The following PPARGC1A variants were observed in gnomAD, a reference collection of about 807,000 sequenced individuals.
PPARGC1A encodes PPARG coactivator 1 alpha.
PPARGC1A carries 25 observed loss-of-function variants against 88.7 expected under a neutral mutation model. That is an observed-to-expected ratio of 0.28 (90% CI 0.21 to 0.39). The LOEUF is 0.39. Ranked by LOEUF, PPARGC1A falls within the 10% of genes least tolerant of loss-of-function variation. The probability of loss-of-function intolerance (pLI) is 1.00; values close to 1 mark genes in which losing one functional copy is unlikely to be tolerated. For synonymous variants in PPARGC1A, 363 were observed against 355.6 expected (o/e 1.02, Z -0.24); for missense variants, 880 against 968.7 (o/e 0.91, Z 1.22).
the PPARGC1A span, among the ~76,000 whole-genome samples, chr4:24,200,384 A>C: frequency 6.6e-6 from 1 of 151,960 alleles, no homozygotes; most frequent in East Asian, 1.9e-4. Flanking sequence ...GGTGGTGGAC[A>C]CCGGTAATCC....
Position 23,801,893 on chromosome 4 carries a change from AAAG to A in PPARGC1A, c.2142-15_2142-13del, listed in dbSNP as rs549257179. ...AACCATAGCTGTCTCTGCAACGGACAAAGAAAAGTTCAAAGCTGGTTAAGAAGT... is the reference window on the plus strand; with the variant it reads ...AACCATAGCTGTCTCTGCAACGGACAAAAAGTTCAAAGCTGGTTAAGAAGT... On this transcript the variant is annotated splice_polypyrimidine_tract_variant and intron_variant, in intron 11 of 12. Transcript: ENST00000264867. 2.3e-3 allele frequency: 3,676 copies of A among 1,613,784 alleles called. 5 individuals carry two copies. Among genetic ancestry groups the A allele is most frequent in the Admixed American group, 2.8e-3 (167 of 60,016 alleles).
At chr4:24,035,244 T>A in the PPARGC1A span, among the ~76,000 whole-genome samples, 4 of 152,104 alleles carry the variant, frequency 2.6e-5, no homozygotes, top group Admixed American at 6.5e-5. Flanking sequence ...ACAATTGTTT[T>A]AAAAAAAACT....
the PPARGC1A span, among the ~76,000 whole-genome samples, chr4:24,207,882 G>C: frequency 6.6e-6 from 1 of 152,206 alleles, no homozygotes; most frequent in Non-Finnish European, 1.5e-5. Flanking sequence ...AGTCATCACA[G>C]TCAAATCTAA....
the PPARGC1A span, among the ~76,000 whole-genome samples, chr4:24,324,201 T>C: frequency 6.8e-4 from 103 of 152,200 alleles, no homozygotes; most frequent in African/African-American, 2.3e-3. Flanking sequence ...AAGAGGCAAG[T>C]ACCCCAACCC....
At chr4:23,868,280 G>A (rs1192743087) in intron 2 of PPARGC1A, among the ~76,000 whole-genome samples, 1 of 152,146 alleles carries the variant, frequency 6.6e-6, no homozygotes, top group African/African-American at 2.4e-5. Context: ...GCTGAGTTAG[G>A]GGGTAAGTTC....
chr4:24,148,749 T>A, the PPARGC1A span, among the ~76,000 whole-genome samples: 1 of 152,220 alleles, frequency 6.6e-6, no homozygotes, highest in African/African-American at 2.4e-5. Flanking sequence ...GTGAACTGAT[T>A]ACTTGCTCAC....
chr4:23,902,100 A>G (rs2946391), upstream of PPARGC1A, among the ~76,000 whole-genome samples: 79,548 of 151,962 alleles, frequency 0.52, 23,287 homozygotes, highest in Non-Finnish European at 0.69. Context: ...ATATTTCATT[A>G]ATAACTTAGA....
chr4:24,078,429 A>C, the PPARGC1A span, among the ~76,000 whole-genome samples: 185 of 152,212 alleles, frequency 1.2e-3, no homozygotes, highest in Non-Finnish European at 1.8e-3. Flanking sequence ...CTTTCACTTA[A>C]AACCTCCTTA....
the PPARGC1A span, among the ~76,000 whole-genome samples, chr4:24,470,720 G>T: frequency 2.6e-5 from 4 of 151,702 alleles, no homozygotes; most frequent in Admixed American, 6.6e-5. This position sits in a 1 kb window ranked among gnomAD's most constrained non-coding sequence, Gnocchi z 5.8. Flanking sequence ...GCCCCCACCC[G>T]CGGCGGCGGC....
the PPARGC1A span, among the ~76,000 whole-genome samples, chr4:24,104,085 A>T: frequency 6.6e-6 from 1 of 152,224 alleles, no homozygotes; most frequent in Non-Finnish European, 1.5e-5. Context: ...ACTTGAAGAC[A>T]TTCTGAAAAA....
chr4:24,398,219 T>C, the PPARGC1A span, among the ~76,000 whole-genome samples: 45 of 152,298 alleles, frequency 3.0e-4, no homozygotes, highest in South Asian at 8.9e-3. Context: ...ATCATACTCA[T>C]ATGGAAGACT....
At chr4:24,155,080 A>G in the PPARGC1A span, among the ~76,000 whole-genome samples, 1 of 151,374 alleles carries the variant, frequency 6.6e-6, no homozygotes. Flanking sequence ...CCACTAAGAA[A>G]ATGGTTGGCC....
At chr4:24,097,334 G>A in the PPARGC1A span, among the ~76,000 whole-genome samples, 1 of 152,078 alleles carries the variant, frequency 6.6e-6, no homozygotes, top group Non-Finnish European at 1.5e-5. Context: ...GAGTCCCCAG[G>A]CATGGAAGAA....
At chr4:24,214,125 T>A in the PPARGC1A span, among the ~76,000 whole-genome samples, 231 of 152,358 alleles carry the variant, frequency 1.5e-3, no homozygotes, top group Middle Eastern at 3.4e-3. Flanking sequence ...GCTTGTTGTT[T>A]GTGGTTTTCT....
At chr4:23,901,872 G>A (rs902247098), upstream of PPARGC1A, among the ~76,000 whole-genome samples, 2 of 152,102 alleles carry the variant, frequency 1.3e-5, no homozygotes, top group African/African-American at 2.4e-5. Context: ...TTTTGTCTTA[G>A]ATATTTAAGG....
At chr4:24,271,084 C>T in the PPARGC1A span, among the ~76,000 whole-genome samples, 1 of 152,082 alleles carries the variant, frequency 6.6e-6, no homozygotes, top group Non-Finnish European at 1.5e-5. Flanking sequence ...TGGTAGTAAA[C>T]ATTAACAACA....
At chr4:24,002,063 T>C in the PPARGC1A span, among the ~76,000 whole-genome samples, 6 of 131,102 alleles carry the variant, frequency 4.6e-5, no homozygotes, top group African/African-American at 1.7e-4. Context: ...AATTGGATGA[T>C]AAATTCACAC....
the PPARGC1A span, among the ~76,000 whole-genome samples, chr4:24,347,130 G>A: frequency 2.6e-5 from 4 of 152,102 alleles, no homozygotes; most frequent in African/African-American, 9.7e-5. Flanking sequence ...CTGAGAGAGT[G>A]CTTGATATAA....
At chr4:23,801,041 T>TACAAC (rs1430504857) in intron 12 of PPARGC1A, among the ~76,000 whole-genome samples, 1 of 151,948 alleles carries the variant, frequency 6.6e-6, no homozygotes, top group East Asian at 1.9e-4. Context: ...CTCTTAGTTG[T>TACAAC]AGTTCATAGA....
Sources: allele counts gnomAD v4.1 joint callset (sites outside exome capture counted in the v4.1 genomes callset), GRCh38; gene constraint gnomAD v4.1.1; non-coding constraint Gnocchi (gnomAD v3.1); transcripts MANE v1.5; gene names NCBI Gene and HGNC (gene_info 2026-07-23, HGNC 2026-07-21).